Variants in NPFFR2 observed in about 807,000 individuals in gnomAD.
The protein encoded by NPFFR2 is neuropeptide FF receptor 2.
Under a neutral mutation model 13.1 loss-of-function variants are expected in NPFFR2, and 15 were observed. The ratio of observed to expected loss-of-function variants is 1.15; its 90% CI spans 0.77 to 1.76. The LOEUF (loss-of-function observed/expected upper bound fraction) is 1.76. NPFFR2 is among the 40% of genes most tolerant of loss of function. The pLI, the probability that NPFFR2 is intolerant of heterozygous loss-of-function variation, is 0.00. For synonymous variants in NPFFR2, 190 were observed against 175.7 expected (o/e 1.08, Z -0.65); for missense variants, 572 against 503.5 (o/e 1.14, Z -1.30).
At chr4:72,040,379 A>G (rs1367248027) in intron 1 of NPFFR2, among the ~76,000 whole-genome samples, 2 of 152,158 alleles carry the variant, frequency 1.3e-5, no homozygotes, top group African/African-American at 4.8e-5. Flanking sequence ...AGCTTACTAA[A>G]TATTTTATTC....
At position 72,054,439 on chromosome 4, in the gene NPFFR2, T is replaced by C. The variant is rs1187573905; in HGVS notation, c.-8+22239T>C. 2.0e-5 allele frequency among the ~76,000 whole-genome samples: 3 copies of C among 152,046 alleles called. No homozygotes were observed. In the East Asian group the frequency reaches 5.8e-4, roughly 29 times the overall value. ...ACTACCAAATATTCCTATAAAAAAT[T>C]AACCTTAACTCTTACATTACACCAT... On this transcript the variant is annotated intron_variant, in intron 1 of 3. Transcript: ENST00000308744.
rs1360909144 is a variant in NPFFR2, at chr4:72,051,467, C to T, written c.-8+19267C>T. Among the ~76,000 whole-genome samples, 5 of 151,146 alleles carry T rather than the reference C, an allele frequency of 3.3e-5. No homozygotes were observed. In the South Asian group the frequency reaches 1.1e-3, roughly 32 times the overall value. ...CCAATGAGAGCAAAGACACAACATA[C>T]CAGAATCTCTGGGACACATTCAAAG... On this transcript the variant is annotated intron_variant, in intron 1 of 3. Coordinates refer to ENST00000308744, the MANE Select transcript of NPFFR2 (RefSeq NM_004885.3).
intron 1 of NPFFR2, among the ~76,000 whole-genome samples, chr4:72,127,935 C>T (rs1285340902): frequency 5.9e-5 from 9 of 151,910 alleles, no homozygotes; most frequent in African/African-American, 1.7e-4. Context: ...CAAAAATTAG[C>T]TGGTCATGAT....
At chr4:72,040,922 T>C (rs1352104736) in intron 1 of NPFFR2, among the ~76,000 whole-genome samples, 3 of 65,862 alleles carry the variant, frequency 4.6e-5, no homozygotes, top group African/African-American at 7.1e-5. Flanking sequence ...TAGTCACTGC[T>C]GTAAAATATA....
chr4:72,046,953 T>C (rs1469413246), intron 1 of NPFFR2, among the ~76,000 whole-genome samples: 6 of 152,156 alleles, frequency 3.9e-5, no homozygotes, highest in Non-Finnish European at 5.9e-5. Flanking sequence ...CTTGAGTGAA[T>C]TGTACCCAAA....
chr4:72,110,822 C>T (rs965042176), intron 1 of NPFFR2, among the ~76,000 whole-genome samples: 3 of 151,976 alleles, frequency 2.0e-5, no homozygotes, highest in African/African-American at 4.8e-5. Context: ...AATAGACCTT[C>T]CTGCATCACC....
At chr4:72,128,976 G>T (rs879240894) in intron 2 of NPFFR2, 57 bp downstream of exon 2, 1 of 1,267,052 alleles carries the variant, frequency 7.9e-7, no homozygotes, top group Middle Eastern at 2.0e-4. Context: ...CCATATTTCA[G>T]CAGCCATTGG....
chr4:72,061,809 G>A (rs541819860), intron 1 of NPFFR2, among the ~76,000 whole-genome samples: 28 of 152,068 alleles, frequency 1.8e-4, no homozygotes, highest in African/African-American at 4.8e-5. Context: ...GGGAGGGAGA[G>A]CATTAGGACA....
intron 1 of NPFFR2, among the ~76,000 whole-genome samples, chr4:72,124,583 A>T (rs1435035355): frequency 6.6e-6 from 1 of 152,070 alleles, no homozygotes; most frequent in Admixed American, 6.6e-5. Context: ...AGATATATAG[A>T]CCGTGGAACA....
intron 1 of NPFFR2, among the ~76,000 whole-genome samples, chr4:72,083,164 A>G (rs1218616909): frequency 6.6e-6 from 1 of 152,188 alleles, no homozygotes; most frequent in Non-Finnish European, 1.5e-5. Flanking sequence ...AAGTCCAGTT[A>G]TCTCTTCGAG....
chr4:72,036,659 C>G (rs910794619), intron 1 of NPFFR2, among the ~76,000 whole-genome samples: 10 of 149,604 alleles, frequency 6.7e-5, no homozygotes, highest in African/African-American at 2.5e-4. Context: ...CATGATTTCC[C>G]ATAATGAAAA....
At chr4:72,129,898 G>A (rs1722180626) in intron 2 of NPFFR2, among the ~76,000 whole-genome samples, 3 of 83,886 alleles carry the variant, frequency 3.6e-5, no homozygotes, top group South Asian at 4.6e-4. Context: ...GCGGCCTTCC[G>A]CAGTTTTTGT....
chr4:72,065,104 A>G (rs1391798488), intron 1 of NPFFR2, among the ~76,000 whole-genome samples: 1 of 152,068 alleles, frequency 6.6e-6, no homozygotes, highest in Non-Finnish European at 1.5e-5. Flanking sequence ...AAAAAAAAAA[A>G]CAAAGCTTAT....
intron 1 of NPFFR2, among the ~76,000 whole-genome samples, chr4:72,065,558 C>T (rs1720043193): frequency 6.6e-6 from 1 of 152,158 alleles, no homozygotes; most frequent in East Asian, 1.9e-4. Context: ...AACAATTTAT[C>T]CTATTGTAAA....
At chr4:72,135,120 G>GA (rs549128056) in intron 2 of NPFFR2, among the ~76,000 whole-genome samples, 19 of 152,182 alleles carry the variant, frequency 1.2e-4, no homozygotes, top group African/African-American at 4.6e-4. Flanking sequence ...TATTACTGCT[G>GA]AAAAAACATG....
chr4:72,111,504 C>T (rs548402681), intron 1 of NPFFR2, among the ~76,000 whole-genome samples: 2 of 152,056 alleles, frequency 1.3e-5, no homozygotes, highest in South Asian at 4.2e-4. Context: ...TACAGTTAAC[C>T]TTCAGGGACT....
At chr4:72,083,001 A>C (rs1720672190) in intron 1 of NPFFR2, among the ~76,000 whole-genome samples, 1 of 152,216 alleles carries the variant, frequency 6.6e-6, no homozygotes, top group African/African-American at 2.4e-5. Context: ...TTCTTTAAAA[A>C]AACAAAACCT....
intron 1 of NPFFR2, among the ~76,000 whole-genome samples, chr4:72,096,853 A>T (rs1223718580): frequency 6.6e-6 from 1 of 152,110 alleles, no homozygotes; most frequent in Non-Finnish European, 1.5e-5. Flanking sequence ...TAATACCCTG[A>T]TAAGCTCATT....
chr4:72,115,283 C>A (rs1158707026), intron 1 of NPFFR2, among the ~76,000 whole-genome samples: 1 of 152,136 alleles, frequency 6.6e-6, no homozygotes, highest in Admixed American at 6.6e-5. Context: ...GACTGGCATT[C>A]CCAAATTCAC....
Sources: gnomAD v4.1 joint callset for allele counts (sites outside exome capture counted in the v4.1 genomes callset) on GRCh38, gnomAD v4.1.1 for gene constraint, MANE v1.5 for transcripts, NCBI Gene and HGNC (gene_info 2026-07-23, HGNC 2026-07-21) for gene names.